The following SQOR variants were observed in gnomAD, a reference collection of about 807,000 sequenced individuals.
SQOR encodes sulfide quinone oxidoreductase.
SQOR carries 39 observed loss-of-function variants against 48.6 expected under a neutral mutation model. That is an observed-to-expected ratio of 0.80 (90% CI 0.62 to 1.05). SQOR has a LOEUF of 1.05. SQOR is among the 50% of genes least tolerant of loss of function. The pLI, the probability that SQOR is intolerant of heterozygous loss-of-function variation, is 0.00. For synonymous variants in SQOR, 220 were observed against 206.2 expected (o/e 1.07, Z -0.57); for missense variants, 561 against 559.9 (o/e 1.00, Z -0.02).
At chr15:45,684,422 A>C (rs897869256) in intron 7 of SQOR, among the ~76,000 whole-genome samples, 4 of 152,124 alleles carry the variant, frequency 2.6e-5, no homozygotes, top group Non-Finnish European at 1.5e-5. Flanking sequence ...GAATACCCCA[A>C]AATTTAGAAT....
intron 5 of SQOR, among the ~76,000 whole-genome samples, chr15:45,674,783 G>A (rs1308572653): frequency 6.6e-6 from 1 of 152,200 alleles, no homozygotes; most frequent in African/African-American, 2.4e-5. Context: ...AGCTTGTAAG[G>A]GAAGCTGTTC....
At chr15:45,659,219 T>C (rs980042213) in intron 2 of SQOR, 62 bp downstream of exon 2, 425 of 1,318,620 alleles carry the variant, frequency 3.2e-4, no homozygotes, top group Non-Finnish European at 4.1e-4. Flanking sequence ...TGAGTGTGTG[T>C]GTGTGTGTGT....
intron 6 of SQOR, among the ~76,000 whole-genome samples, chr15:45,680,110 C>G (rs898163712): frequency 6.6e-6 from 1 of 151,846 alleles, no homozygotes; most frequent in Non-Finnish European, 1.5e-5. Flanking sequence ...TTTTTGTAGA[C>G]AGGGTCTCAC....
At chr15:45,637,766 G>T (rs1895029640) in intron 1 of SQOR, among the ~76,000 whole-genome samples, 2 of 152,202 alleles carry the variant, frequency 1.3e-5, no homozygotes, top group African/African-American at 4.8e-5. Context: ...CCTGTGTCTA[G>T]CTTTGTTAAT....
chr15:45,649,867 G>T (rs564866318), intron 1 of SQOR, among the ~76,000 whole-genome samples: 1 of 151,762 alleles, frequency 6.6e-6, no homozygotes, highest in African/African-American at 2.4e-5. Context: ...TTTTGTGTGT[G>T]TTTTTTTGAG....
rs927578460 is a variant in SQOR, at chr15:45,635,127, C to T, written c.-18+19C>T. On this transcript the variant is annotated intron_variant, in intron 1 of 9. Transcript: ENST00000260324. ...CGCCCGGGTAAGAGGCATCCGCGGC[C>T]GATCTTTGGCCCTGGGCCAGCGGAG... 1 of 152,350 alleles carries T rather than the reference C, an allele frequency of 6.6e-6. No individual in the cohort carries two copies. The highest frequency in any genetic ancestry group is 1.9e-4 in the East Asian group (1 of 5,188). The allele number at this position is 152,350 out of a possible 1,614,324, so 9.4% of individuals were successfully genotyped here.
intron 6 of SQOR, 59 bp from the exon 7 acceptor site, chr15:45,682,419 C>G: frequency 1.9e-6 from 3 of 1,575,356 alleles, no homozygotes; most frequent in Non-Finnish European, 1.7e-6. Flanking sequence ...AGGGGGAGAG[C>G]TTGTGGAGCT....
intron 6 of SQOR, among the ~76,000 whole-genome samples, chr15:45,679,558 G>A (rs568349875): frequency 8.5e-5 from 13 of 152,060 alleles, no homozygotes; most frequent in African/African-American, 1.4e-4. Flanking sequence ...AAAATTAGCC[G>A]GGCATGGTGG....
At chr15:45,677,844 GTGTGCACCAC>G (rs1405504035) in intron 6 of SQOR, among the ~76,000 whole-genome samples, 1 of 152,172 alleles carries the variant, frequency 6.6e-6, no homozygotes, top group Non-Finnish European at 1.5e-5. Flanking sequence ...GGGACTACAG[GTGTGCACCAC>G]CATGCCCGGC....
In SQOR at chr15:45,682,545, A is replaced by C. The variant is rs1364093762; in HGVS notation, c.932A>C (p.Asp311Ala). ...GTCCTCAAGACCAGTCCTGTGGCTG[A>C]TGCTGCTGGTTGGGTGGATGTGGAT... ...PDVLKTSPVA[D>A]AAGWVDVDKE... is the part of the protein sequence containing the mutation. Residue 311 changes from aspartate to alanine, a missense_variant, in exon 7 of 10, where the codon GAT becomes GCT. Transcript: ENST00000260324. 2 of 1,614,090 alleles carry C rather than the reference A, an allele frequency of 1.2e-6. No individual in the cohort carries two copies. The highest frequency in any genetic ancestry group is 2.7e-5 in the African/African-American group (2 of 74,932).
At chr15:45,645,611 A>G (rs1157918091) in intron 1 of SQOR, among the ~76,000 whole-genome samples, 2 of 152,190 alleles carry the variant, frequency 1.3e-5, no homozygotes, top group African/African-American at 2.4e-5. Context: ...GAGCTGGGAT[A>G]TCGGATGTTC....
At chr15:45,657,023 GT>G in intron 1 of SQOR, among the ~76,000 whole-genome samples, 1 of 152,048 alleles carries the variant, frequency 6.6e-6, no homozygotes, top group Non-Finnish European at 1.5e-5. Flanking sequence ...GGCCAGGGTG[GT>G]CTTGAACTGC....
Position 45,683,245 on chromosome 15 carries a change from G to A in SQOR, c.1048+584G>A, listed in dbSNP as rs116547928. ...TGTTACTTCTCATACTGCCATACTG[G>A]CATCCCTGGTATCTTTGCCTCTGAC... On this transcript the variant is annotated intron_variant, in intron 7 of 9. Coordinates refer to ENST00000260324, the MANE Select transcript of SQOR (RefSeq NM_021199.4). Among the ~76,000 whole-genome samples the A allele has an allele frequency of 8.6e-3, 1,304 of 152,210 alleles. 22 individuals are homozygous for A. The highest frequency in any genetic ancestry group is 0.03 in the African/African-American group (1,226 of 41,528).
chr15:45,632,027 A>T (rs1408894109), upstream of SQOR: 3 of 152,358 alleles, frequency 2.0e-5, no homozygotes, highest in East Asian at 5.8e-4. Flanking sequence ...TAAGTGAGTC[A>T]ACTCTCAGTC....
intron 7 of SQOR, among the ~76,000 whole-genome samples, chr15:45,686,180 C>T (rs1172464210): frequency 6.6e-6 from 1 of 151,668 alleles, no homozygotes; most frequent in Non-Finnish European, 1.5e-5. Context: ...TAGATGGAGT[C>T]TTGCTCTGTT....
At chr15:45,656,336 T>G (rs629024) in intron 1 of SQOR, among the ~76,000 whole-genome samples, 92,294 of 152,062 alleles carry the variant, frequency 0.61, 28,154 homozygotes, top group East Asian at 0.73. Context: ...GGTCTCCCTC[T>G]CTTCCCAGGC....
chr15:45,687,493 G>A (rs1443636802), intron 7 of SQOR, among the ~76,000 whole-genome samples: 14 of 152,294 alleles, frequency 9.2e-5, no homozygotes, highest in Admixed American at 5.9e-4. Context: ...TTGGGGGTGC[G>A]AAAATACTGC....
chr15:45,644,751 A>G (rs533876083), intron 1 of SQOR, among the ~76,000 whole-genome samples: 60 of 152,294 alleles, frequency 3.9e-4, no homozygotes, highest in African/African-American at 1.4e-3. Context: ...GGGATTGGCT[A>G]GTTTGAATAA....
chr15:45,678,215 A>T (rs1479949353), intron 6 of SQOR, among the ~76,000 whole-genome samples: 4 of 152,100 alleles, frequency 2.6e-5, no homozygotes, highest in Non-Finnish European at 5.9e-5. Flanking sequence ...ACACTTTAAA[A>T]CCATGTAAAT....
Sources: allele counts gnomAD v4.1 joint callset (sites outside exome capture counted in the v4.1 genomes callset), GRCh38; gene constraint gnomAD v4.1.1; transcripts MANE v1.5; gene names NCBI Gene and HGNC (gene_info 2026-07-23, HGNC 2026-07-21).